The following GALNT17 variants were observed in gnomAD, a reference collection of about 807,000 sequenced individuals.
The protein encoded by GALNT17 is polypeptide N-acetylgalactosaminyltransferase 17.
A neutral mutation model predicts 63.7 loss-of-function variants in GALNT17; 29 were observed. The observed-to-expected ratio is 0.46, with a 90% confidence interval of 0.34 to 0.62. The LOEUF is 0.62. Ranked by LOEUF, GALNT17 falls within the 20% of genes least tolerant of loss-of-function variation. GALNT17 has a pLI of 0.01. For synonymous variants in GALNT17, 305 were observed against 318.3 expected, an observed-to-expected ratio of 0.96 and a Z score of 0.45; for missense variants, 603 against 799.6, an observed-to-expected ratio of 0.75 and a Z score of 2.97.
intron 6 of GALNT17, among the ~76,000 whole-genome samples, chr7:71,642,914 C>G (rs1240188674): frequency 1.3e-5 from 2 of 152,166 alleles, no homozygotes; most frequent in African/African-American, 2.4e-5. Flanking sequence ...AGGCAGTGCC[C>G]TGCCTGTCAT....
intron 6 of GALNT17, among the ~76,000 whole-genome samples, chr7:71,658,803 G>A (rs1790865959): frequency 6.6e-6 from 1 of 151,950 alleles, no homozygotes; most frequent in Non-Finnish European, 1.5e-5. Flanking sequence ...CAGGAAAATA[G>A]TTTGAATCTG....
intron 5 of GALNT17, among the ~76,000 whole-genome samples, chr7:71,567,203 G>T (rs905256956): frequency 6.6e-6 from 1 of 152,116 alleles, no homozygotes; most frequent in Non-Finnish European, 1.5e-5. Flanking sequence ...TCTCTAAAAG[G>T]CGCCAAGAGC....
intron 5 of GALNT17, among the ~76,000 whole-genome samples, chr7:71,509,881 T>A (rs1244243493): frequency 2.6e-5 from 4 of 152,208 alleles, no homozygotes; most frequent in Admixed American, 1.3e-4. Context: ...GGGGGTCTTT[T>A]GTTTTTCTTA....
intron 1 of GALNT17, among the ~76,000 whole-genome samples, chr7:71,330,531 G>A (rs1447066940): frequency 6.6e-6 from 1 of 152,128 alleles, no homozygotes; most frequent in Non-Finnish European, 1.5e-5. Flanking sequence ...TCAAGGAGCT[G>A]GGACTATAGG....
At chr7:71,243,526 G>A (rs1283006481) in intron 1 of GALNT17, among the ~76,000 whole-genome samples, 5 of 152,046 alleles carry the variant, frequency 3.3e-5, no homozygotes, top group South Asian at 2.1e-4. Context: ...GCAGAAATAT[G>A]CAATCCTTCA....
intron 1 of GALNT17, among the ~76,000 whole-genome samples, chr7:71,241,235 C>A (rs536981488): frequency 7.9e-5 from 12 of 152,172 alleles, no homozygotes; most frequent in Non-Finnish European, 1.3e-4. Flanking sequence ...CCTGGTTTGG[C>A]GGATCTGGTA....
At chr7:71,388,123 G>A (rs916054090) in intron 2 of GALNT17, 112 bp from the exon 3 acceptor site, 14 of 1,155,128 alleles carry the variant, frequency 1.2e-5, no homozygotes, top group African/African-American at 6.1e-5. Context: ...AGTGATTCAC[G>A]CCTTGGGACG....
Position 71,712,279 on chromosome 7 carries a change from G to A in GALNT17, c.*133G>A. The A allele has an allele frequency of 8.1e-7, 1 of 1,235,872 alleles. No homozygotes were observed. The highest frequency in any genetic ancestry group is 1.6e-5 in the South Asian group (1 of 64,278). 76.6% of individuals were successfully genotyped at this position (1,235,872 alleles called of 1,614,324 possible). A position where few individuals can be genotyped will look rare whatever the true frequency, so the allele number is the denominator to read the frequency against. On this transcript the variant is annotated 3_prime_UTR_variant, in exon 11 of 11. Transcript: ENST00000333538. ...CGATGGGCCCCCCAGGGCTTCTCCAGGGCAGCACAGGGACCCCGGATGAAG... is the reference window on the plus strand; with the variant it reads ...CGATGGGCCCCCCAGGGCTTCTCCAAGGCAGCACAGGGACCCCGGATGAAG...
At chr7:71,224,736 C>CT (rs920007478) in intron 1 of GALNT17, among the ~76,000 whole-genome samples, 19 of 152,100 alleles carry the variant, frequency 1.2e-4, no homozygotes, top group African/African-American at 4.6e-4. Context: ...CTGCTGTAGC[C>CT]ACTGGATCAC....
chr7:71,415,773 A>G (rs923360240), intron 3 of GALNT17, 116 bp from the exon 4 acceptor site: 5 of 1,185,916 alleles, frequency 4.2e-6, no homozygotes, highest in African/African-American at 1.5e-5. Flanking sequence ...AATTACTAAC[A>G]TGCGATTTTT....
chr7:71,239,842 G>C (rs1789961792), intron 1 of GALNT17, among the ~76,000 whole-genome samples: 1 of 152,294 alleles, frequency 6.6e-6, no homozygotes, highest in Non-Finnish European at 1.5e-5. Context: ...GCTGAGTGTG[G>C]CTAGAAAAAT....
chr7:71,613,389 G>C (rs775490957), intron 6 of GALNT17, among the ~76,000 whole-genome samples: 4 of 152,200 alleles, frequency 2.6e-5, no homozygotes, highest in Non-Finnish European at 5.9e-5. Context: ...TTGACCGTTT[G>C]TCAGACAGCA....
At chr7:71,639,732 T>C (rs1790577511) in intron 6 of GALNT17, among the ~76,000 whole-genome samples, 1 of 152,224 alleles carries the variant, frequency 6.6e-6, no homozygotes, top group East Asian at 1.9e-4. Flanking sequence ...CTGTATATAT[T>C]GAAAAGCTAA....
chr7:71,173,751 C>T (rs964024260), intron 1 of GALNT17, among the ~76,000 whole-genome samples: 4 of 151,902 alleles, frequency 2.6e-5, no homozygotes, highest in South Asian at 4.2e-4. Flanking sequence ...CCAGCTTGTG[C>T]GATAGGGCGA....
At chr7:71,192,411 T>C (rs1788968762) in intron 1 of GALNT17, among the ~76,000 whole-genome samples, 1 of 152,004 alleles carries the variant, frequency 6.6e-6, no homozygotes, top group Non-Finnish European at 1.5e-5. Context: ...TTTTTTTTTT[T>C]TGGAGGTGGA....
chr7:71,287,277 A>T (rs1340778688), intron 1 of GALNT17, among the ~76,000 whole-genome samples: 1 of 151,804 alleles, frequency 6.6e-6, no homozygotes, highest in Non-Finnish European at 1.5e-5. Context: ...TTTTGTAGAG[A>T]TGAGGTTTTG....
chr7:71,329,236 G>A (rs949960127), intron 1 of GALNT17, among the ~76,000 whole-genome samples: 1 of 152,140 alleles, frequency 6.6e-6, no homozygotes, highest in African/African-American at 2.4e-5. Flanking sequence ...GGGAGTGTGT[G>A]GCTTGTGAGG....
At chr7:71,318,062 C>T (rs768159856) in intron 1 of GALNT17, among the ~76,000 whole-genome samples, 23 of 152,000 alleles carry the variant, frequency 1.5e-4, no homozygotes, top group Non-Finnish European at 1.9e-4. Context: ...GCTGGGACCA[C>T]GCCCGACTAG....
chr7:71,351,744 A>G (rs1455280264), intron 2 of GALNT17, among the ~76,000 whole-genome samples: 5 of 152,114 alleles, frequency 3.3e-5, no homozygotes, highest in Admixed American at 1.3e-4. Context: ...CTCTAGAACC[A>G]TGAGAGAATA....
Sources: gnomAD v4.1 joint callset for allele counts (sites outside exome capture counted in the v4.1 genomes callset) on GRCh38, gnomAD v4.1.1 for gene constraint, MANE v1.5 for transcripts, NCBI Gene and HGNC (gene_info 2026-07-23, HGNC 2026-07-21) for gene names.